The following ITPR2 variants were observed in gnomAD, a reference collection of about 807,000 sequenced individuals.
ITPR2 encodes inositol 1,4,5-trisphosphate-gated calcium channel ITPR2.
In ITPR2, 207 loss-of-function variants were observed where a neutral mutation model predicts 317.1. The ratio of observed to expected loss-of-function variants is 0.65; its 90% CI spans 0.58 to 0.73. ITPR2 has a LOEUF of 0.73. Ranked by LOEUF, ITPR2 falls within the 30% of genes least tolerant of loss-of-function variation. The pLI is 0.00. For missense variants in ITPR2, 2,613 were observed against 3,284.0 expected, an observed-to-expected ratio of 0.80 and a Z score of 4.99; for synonymous variants, 1,156 against 1,149.1, an observed-to-expected ratio of 1.01 and a Z score of -0.12.
rs1363243319 is a variant in ITPR2 at position 26,599,233 on chromosome 12, C to T, written c.3914G>A (p.Arg1305His). The T allele has an allele frequency of 6.2e-6, 10 of 1,613,962 alleles. No individual in the cohort carries two copies. The highest frequency in any genetic ancestry group is 1.1e-5 in the South Asian group (1 of 91,086). ...CAAAAACCTCAGGTACTCCACGTGG[C>T]GGCCATGTGTCTCAATGCAGTGCAC... is the stretch of plus-strand genomic sequence containing the variant. The part of the protein sequence containing the change: ...HFVHCIETHG[R>H]HVEYLRFLQT... Residue 1305 changes from arginine to histidine, a missense_variant, in exon 30 of 57, where the codon CGC becomes CAC. Transcript: ENST00000381340.
intron 34 of ITPR2, among the ~76,000 whole-genome samples, chr12:26,572,613 T>A (rs1052077358): frequency 1.3e-5 from 2 of 152,226 alleles, no homozygotes; most frequent in African/African-American, 2.4e-5. Context: ...ATCCCACCAA[T>A]CTAGGAAGGA....
At chr12:26,775,926 C>T (rs559077120) in intron 2 of ITPR2, among the ~76,000 whole-genome samples, 8 of 33,444 alleles carry the variant, frequency 2.4e-4, no homozygotes, top group Non-Finnish European at 6.7e-4. Flanking sequence ...TAATAAACTC[C>T]CCTTTACATA....
Position 26,337,918 on chromosome 12 carries a change from T to C in ITPR2, c.*1479A>G, listed in dbSNP as rs563823823. On this transcript the variant is annotated 3_prime_UTR_variant, in exon 57 of 57. Coordinates refer to ENST00000381340, the MANE Select transcript of ITPR2 (RefSeq NM_002223.4). ...TACATAGATCTTGATTTGGGATTTT[T>C]AGGAACCAATAGCTTAAGCTATGTT... is the stretch of plus-strand genomic sequence containing the variant. 6.6e-6 allele frequency: 1 copy of C among 152,364 alleles called. No individual in the cohort carries two copies. Among genetic ancestry groups the C allele is most frequent in the South Asian group, 2.1e-4 (1 of 4,832 alleles). The allele number at this position is 152,364 out of a possible 1,614,324, so 9.4% of individuals were successfully genotyped here.
chr12:26,394,750 AT>A (rs1353902252), intron 54 of ITPR2, among the ~76,000 whole-genome samples: 1 of 152,176 alleles, frequency 6.6e-6, no homozygotes, highest in Non-Finnish European at 1.5e-5. Flanking sequence ...CGAGCAGACC[AT>A]TTGGGGTTGT....
chr12:26,465,408 A>G (rs941229137), intron 45 of ITPR2, among the ~76,000 whole-genome samples: 2 of 152,180 alleles, frequency 1.3e-5, no homozygotes, highest in Non-Finnish European at 2.9e-5. Flanking sequence ...AATGGGTTAG[A>G]GAGAGAATAG....
chr12:26,822,743 T>C (rs1950955612), intron 1 of ITPR2, among the ~76,000 whole-genome samples: 2 of 152,218 alleles, frequency 1.3e-5, no homozygotes, highest in Non-Finnish European at 2.9e-5. Flanking sequence ...TTTATAGTAC[T>C]AGCCTCATTA....
chr12:26,769,026 C>CACACACA (rs201911951), intron 2 of ITPR2, among the ~76,000 whole-genome samples: 6 of 149,722 alleles, frequency 4.0e-5, no homozygotes, highest in Non-Finnish European at 7.4e-5. Flanking sequence ...CACACACACA[C>CACACACA]CCCAATCTCA....
In ITPR2 at chr12:26,655,748, A is replaced by G. The variant is rs1397517012; in HGVS notation, c.2549T>C (p.Phe850Ser). The change falls in exon 20 of 57, where the codon TTT becomes TCT. Residue 850 changes from phenylalanine (F) to serine (S), a missense_variant. Around this residue, in one of 9 missense-constraint regions of ITPR2, gnomAD observed 817 missense variants for 897.6 expected, o/e 0.91. Coordinates refer to ENST00000381340, the MANE Select transcript of ITPR2 (RefSeq NM_002223.4). Reference sequence around the variant, plus strand: ...ATTTTTTTCTTTATCCCCAAAAGGAAAGGGCTGGTTTACAACTTCTTTCAA... The same window carrying G: ...ATTTTTTTCTTTATCCCCAAAAGGAGAGGGCTGGTTTACAACTTCTTTCAA... ...EYLKEVVNQPFPFGDKEKNKL... is the reference protein window; with the variant it reads ...EYLKEVVNQPSPFGDKEKNKL... 2 of 1,613,508 alleles carry G rather than the reference A, an allele frequency of 1.2e-6. No individual in the cohort carries two copies. Among genetic ancestry groups the G allele is most frequent in the African/African-American group, 2.7e-5 (2 of 74,920 alleles).
rs899517629 is a variant in ITPR2 at position 26,702,477 on chromosome 12, C to T, written c.952-6827G>A. On this transcript the variant is annotated intron_variant, in intron 9 of 56. Transcript: ENST00000381340. ...ATTTTGAGACAGACTCTCACTCTGT[C>T]GCCCAGGCTGTAGTGCAGTGGTGCG... 2.5e-4 allele frequency among the ~76,000 whole-genome samples: 37 copies of T among 146,828 alleles called. 1 individual carries two copies. The highest frequency in any genetic ancestry group is 1.4e-3 in the East Asian group (7 of 4,982).
chr12:26,494,204 T>G lies in ITPR2; in HGVS notation c.5319A>C (p.Glu1773Asp), dbSNP rs760037118. 10 of 1,613,096 alleles carry G rather than the reference T, an allele frequency of 6.2e-6. No homozygotes were observed. In the South Asian group the frequency reaches 1.1e-4, roughly 18 times the overall value. The change falls in exon 39 of 57, where the codon GAA becomes GAC. Residue 1773 changes from glutamate to aspartate, a missense_variant. This residue lies in a region of ITPR2 where 926 missense variants were observed against 1,072.8 expected (regional missense o/e 0.86). Coordinates refer to ENST00000381340, the MANE Select transcript of ITPR2 (RefSeq NM_002223.4). ...GCAAGGCAATGCCGAGGAAAATGCC[T>G]TCTGAAAAAATTCTGTCATTTTTGG... Reference protein sequence around the residue: ...VNTKNDRIFSEGIFLGIALLE... With the variant: ...VNTKNDRIFSDGIFLGIALLE...
intron 41 of ITPR2, 97 bp downstream of exon 41, chr12:26,486,006 TA>T: frequency 7.5e-7 from 1 of 1,324,834 alleles, no homozygotes; most frequent in Non-Finnish European, 1.1e-6. Context: ...ATTATCTTTC[TA>T]AAATGCTCTC....
At chr12:26,771,698 T>C (rs1949846877) in intron 2 of ITPR2, among the ~76,000 whole-genome samples, 1 of 152,028 alleles carries the variant, frequency 6.6e-6, no homozygotes. Context: ...GTATTTTTTG[T>C]AGAGACAGGG....
intron 34 of ITPR2, among the ~76,000 whole-genome samples, chr12:26,574,648 T>C (rs1223796344): frequency 6.6e-6 from 1 of 152,088 alleles, no homozygotes. Context: ...CGCTGGATAA[T>C]TGATAAAGAA....
At chr12:26,647,976 T>C (rs1037830729) in intron 21 of ITPR2, among the ~76,000 whole-genome samples, 8 of 151,896 alleles carry the variant, frequency 5.3e-5, no homozygotes, top group African/African-American at 1.9e-4. Flanking sequence ...CTATAAGCCA[T>C]TGTGACAGGG....
Position 26,494,245 on chromosome 12 carries a change from C to G in ITPR2, c.5278G>C (p.Asp1760His), listed in dbSNP as rs532227557. 1 of 1,613,358 alleles carries G rather than the reference C, an allele frequency of 6.2e-7. No homozygotes were observed. The highest frequency in any genetic ancestry group is 8.5e-7 in the Non-Finnish European group (1 of 1,179,586). Reference protein sequence around the residue: ...DKEGASELVIDVIVNTKNDRI... With the variant: ...DKEGASELVIHVIVNTKNDRI... ...TCATTTTTGGTGTTCACTATAACAT[C>G]GATGACAAGTTCTGATGCACCTTCT... is the stretch of plus-strand genomic sequence containing the variant. The change falls in exon 39 of 57, where the codon GAT (aspartate) becomes CAT (histidine). Residue 1760 changes from aspartate (D) to histidine (H), a missense_variant. By Grantham distance (81) the Asp-to-His change is moderately conservative. Coordinates refer to ENST00000381340, the MANE Select transcript of ITPR2 (RefSeq NM_002223.4).
At chr12:26,448,132 T>C (rs1299740088) in intron 45 of ITPR2, among the ~76,000 whole-genome samples, 3 of 151,934 alleles carry the variant, frequency 2.0e-5, no homozygotes, top group Non-Finnish European at 1.5e-5. Flanking sequence ...GTTGTAACAA[T>C]AAGAAATCTA....
chr12:26,409,576 T>C (rs1482110107), intron 52 of ITPR2, among the ~76,000 whole-genome samples: 1 of 152,134 alleles, frequency 6.6e-6, no homozygotes, highest in Non-Finnish European at 1.5e-5. Context: ...TAGGCTTACA[T>C]ACAGTTTCCA....
intron 37 of ITPR2, among the ~76,000 whole-genome samples, chr12:26,525,033 C>A (rs1943774290): frequency 6.6e-6 from 1 of 152,144 alleles, no homozygotes; most frequent in Admixed American, 6.6e-5. Context: ...TGGAATAAGT[C>A]ATTGGTGAGA....
At chr12:26,621,346 A>G in intron 25 of ITPR2, 50 bp from the exon 26 acceptor site, 1 of 1,398,120 alleles carries the variant, frequency 7.2e-7, no homozygotes, top group Non-Finnish European at 9.9e-7. Context: ...TTTCTAGAAT[A>G]TTTATGAATA....
Sources: allele counts gnomAD v4.1 joint callset (sites outside exome capture counted in the v4.1 genomes callset), GRCh38; gene constraint gnomAD v4.1.1; regional missense constraint gnomAD v4.1.1; transcripts MANE v1.5; gene names NCBI Gene and HGNC (gene_info 2026-07-23, HGNC 2026-07-21).